Variants in ANO1 observed in about 807,000 individuals in gnomAD.
ANO1 encodes the protein anoctamin-1.
A neutral mutation model predicts 124.0 loss-of-function variants in ANO1; 59 were observed. The ratio of observed to expected loss-of-function variants is 0.48; its 90% CI spans 0.39 to 0.59. The LOEUF (loss-of-function observed/expected upper bound fraction) is 0.59, where lower values mean the gene tolerates loss of function less well. ANO1 is among the 20% of genes least tolerant of loss of function. The probability of loss-of-function intolerance (pLI) is 0.00; values close to 1 mark genes in which losing one functional copy is unlikely to be tolerated. For synonymous variants in ANO1, 529 were observed against 532.0 expected (o/e 0.99, Z 0.08); for missense variants, 1,059 against 1,328.0 (o/e 0.80, Z 3.15).
At chr11:70,017,849 C>T (rs1856729961) in intron 1 of ANO1, among the ~76,000 whole-genome samples, 1 of 152,044 alleles carries the variant, frequency 6.6e-6, no homozygotes. Flanking sequence ...AAGCCTTTTA[C>T]ACAAACAAAC....
rs1460322026 is a variant in ANO1, at chr11:70,187,797, C to T, written c.2754C>T (p.Asp918=). Residue 918 remains aspartate, a synonymous_variant, in exon 26 of 26, where the codon GAC becomes GAT. Coordinates refer to ENST00000355303, the MANE Select transcript of ANO1 (RefSeq NM_018043.7). ...VDWVIPDIPK[D]ISQQIHKEKV... ...GGGTCATCCCGGACATCCCCAAGGA[C>T]ATCAGCCAGCAGATCCACAAGGAGA... 1.2e-6 allele frequency: 2 copies of T among 1,609,562 alleles called. No homozygotes were observed. The highest frequency in any genetic ancestry group is 1.3e-5 in the African/African-American group (1 of 74,984).
At chr11:70,163,245 G>T (rs1480276191) in intron 18 of ANO1, 38 bp from the exon 19 acceptor site, 2 of 1,606,402 alleles carry the variant, frequency 1.2e-6, no homozygotes, top group South Asian at 2.2e-5. Context: ...TGAGCCAGGG[G>T]CTCATCTTTT....
In ANO1 at chr11:70,026,075, G is replaced by GATGA. The variant is rs1555003186; in HGVS notation, c.58+39909_58+39910insATGA. 2.0e-4 allele frequency among the ~76,000 whole-genome samples: 28 copies of GATGA among 142,834 alleles called. No homozygotes were observed. The East Asian group carries it at 4.1e-3, about 21-fold the overall frequency. 93.7% of individuals were successfully genotyped at this position (142,834 alleles called of 152,430 possible). A position where few individuals can be genotyped will look rare whatever the true frequency, so the allele number is the denominator to read the frequency against. On this transcript the variant is annotated intron_variant, in intron 1 of 27. Coordinates refer to the ANO1 transcript ENST00000531349. Reference sequence around the variant, plus strand: ...TGGTGGTGATGATGATGTGGTGGTGGTGATGATGATGATGATGATGACGGT... The same window carrying GATGA: ...TGGTGGTGATGATGATGTGGTGGTGGATGATGATGATGATGATGATGATGACGGT...
upstream of ANO1, among the ~76,000 whole-genome samples, chr11:70,073,868 C>T (rs2044019398): frequency 8.9e-6 from 1 of 112,636 alleles, no homozygotes; most frequent in Admixed American, 1.3e-4. Context: ...CAAGACAGAA[C>T]TTCATGCTTT....
chr11:69,992,362 C>T (rs1192589200), intron 1 of ANO1, among the ~76,000 whole-genome samples: 1 of 152,226 alleles, frequency 6.6e-6, no homozygotes, highest in East Asian at 1.9e-4. Flanking sequence ...TATTGCAAGC[C>T]CTTTACTCAT....
At chr11:70,181,651 G>A (rs1427756956) in intron 23 of ANO1, among the ~76,000 whole-genome samples, 1 of 152,216 alleles carries the variant, frequency 6.6e-6, no homozygotes, top group Non-Finnish European at 1.5e-5. Flanking sequence ...AGCAGGCTGG[G>A]CCCGGTGGCT....
intron 1 of ANO1, among the ~76,000 whole-genome samples, chr11:70,087,472 C>T (rs1054807760): frequency 1.2e-4 from 18 of 152,174 alleles, no homozygotes; most frequent in Non-Finnish European, 2.9e-5. Flanking sequence ...TTCCATAGAC[C>T]AGGAGGGCTT....
At chr11:70,130,269 G>A (rs1375366295) in intron 10 of ANO1, among the ~76,000 whole-genome samples, 1 of 152,154 alleles carries the variant, frequency 6.6e-6, no homozygotes, top group Admixed American at 6.5e-5. Context: ...TTTCCAGAAC[G>A]AAAAACTGAA....
At chr11:69,994,444 AT>A (rs1554998064) in intron 1 of ANO1, among the ~76,000 whole-genome samples, 1 of 152,034 alleles carries the variant, frequency 6.6e-6, no homozygotes, top group African/African-American at 2.4e-5. Context: ...GGATAGAGAG[AT>A]GGAAGAATGG....
rs1260888734 is a variant in ANO1 at position 69,989,442 on chromosome 11, C to G, written c.58+3276C>G. 2.0e-5 allele frequency among the ~76,000 whole-genome samples: 3 copies of G among 151,390 alleles called. No individual in the cohort carries two copies. The East Asian group carries it at 5.9e-4, about 30-fold the overall frequency. ...GCCAGTGCAGAAGCCCCAGCACGTG[C>G]GTCTTCTTCTTGAGTGTGCTGGATG... On this transcript the variant is annotated intron_variant, in intron 1 of 27. Coordinates refer to the ANO1 transcript ENST00000531349.
intron 1 of ANO1, among the ~76,000 whole-genome samples, chr11:69,993,898 G>A (rs1856205360): frequency 6.6e-6 from 1 of 152,100 alleles, no homozygotes; most frequent in Admixed American, 6.5e-5. Flanking sequence ...TGGGGCCTGG[G>A]CACATATAGC....
chr11:70,012,107 T>A (rs1417005594), intron 1 of ANO1, among the ~76,000 whole-genome samples: 1 of 151,286 alleles, frequency 6.6e-6, no homozygotes, highest in Non-Finnish European at 1.5e-5. Flanking sequence ...GACATCCACA[T>A]ATCCATTTGT....
intron 1 of ANO1, among the ~76,000 whole-genome samples, chr11:70,029,962 T>A (rs184745839): frequency 6.6e-6 from 1 of 152,082 alleles, no homozygotes; most frequent in Admixed American, 6.5e-5. Context: ...ACTGGAGGAG[T>A]GGGTCAAGAG....
intron 15 of ANO1, among the ~76,000 whole-genome samples, chr11:70,156,461 T>C (rs1276104889): frequency 1.3e-5 from 2 of 152,230 alleles, no homozygotes; most frequent in Non-Finnish European, 2.9e-5. Context: ...CTTCAGGACA[T>C]GTGTCACCGC....
At chr11:69,972,987 G>T in the ANO1 span, among the ~76,000 whole-genome samples, 1 of 149,136 alleles carries the variant, frequency 6.7e-6, no homozygotes, top group African/African-American at 2.5e-5. Flanking sequence ...TCAGCCCACT[G>T]CAACCTCCAC....
intron 1 of ANO1, chr11:70,072,817 G>C (rs1191627831): frequency 3.3e-5 from 5 of 152,560 alleles, no homozygotes; most frequent in Non-Finnish European, 2.9e-5. Context: ...ACTCTCAACA[G>C]TGCAGGGGTG....
chr11:69,989,624 C>A (rs991589491), intron 1 of ANO1, among the ~76,000 whole-genome samples: 1 of 152,106 alleles, frequency 6.6e-6, no homozygotes, highest in Non-Finnish European at 1.5e-5. Context: ...CCTGCTACTG[C>A]AGTAGGGTTT....
At chr11:70,108,116 T>C (rs2045631283) in intron 5 of ANO1, 1 of 468,474 alleles carries the variant, frequency 2.1e-6, no homozygotes, top group Non-Finnish European at 3.8e-6. Context: ...AGGTGAAAGA[T>C]GGGAACTGCA....
At chr11:69,981,239 C>T (rs934500492), upstream of ANO1, among the ~76,000 whole-genome samples, 1 of 152,180 alleles carries the variant, frequency 6.6e-6, no homozygotes, top group Non-Finnish European at 1.5e-5. Context: ...AACTCTGGAG[C>T]TGGGCTGCTT....
Sources: allele counts gnomAD v4.1 joint callset (sites outside exome capture counted in the v4.1 genomes callset), GRCh38; gene constraint gnomAD v4.1.1; transcripts MANE v1.5; gene names NCBI Gene and HGNC (gene_info 2026-07-23, HGNC 2026-07-21).